KAT6B: variants seen among roughly 807,000 people sequenced by gnomAD.
The protein encoded by KAT6B is lysine acetyltransferase 6B, also known as histone acetyltransferase KAT6B.
KAT6B carries 10 observed loss-of-function variants against 187.5 expected under a neutral mutation model. That is an observed-to-expected ratio of 0.05 (90% CI 0.03 to 0.09). The LOEUF (loss-of-function observed/expected upper bound fraction) is 0.09. Among genes scored for constraint, KAT6B ranks in the 10% least tolerant of loss-of-function variants. The pLI, the probability that KAT6B is intolerant of heterozygous loss-of-function variation, is 1.00. For missense variants in KAT6B, 1,952 were observed against 2,558.9 expected (o/e 0.76, Z 5.12); for synonymous variants, 861 against 926.8 (o/e 0.93, Z 1.29).
chr10:74,828,364 C>T (rs888121581), intron 1 of KAT6B, among the ~76,000 whole-genome samples: 1 of 151,798 alleles, frequency 6.6e-6, no homozygotes, highest in Admixed American at 6.6e-5. Flanking sequence ...ATATGAGGGC[C>T]CCTCCTATAT....
intron 3 of KAT6B, among the ~76,000 whole-genome samples, chr10:74,897,904 G>A (rs1412508936): frequency 2.6e-5 from 4 of 152,056 alleles, no homozygotes; most frequent in African/African-American, 4.8e-5. Flanking sequence ...AACGCCATAG[G>A]CAATTAGCTA....
At chr10:74,830,744 A>ATATATATATATATATATATATATG in intron 1 of KAT6B, among the ~76,000 whole-genome samples, 1 of 15,044 alleles carries the variant, frequency 6.6e-5, no homozygotes, top group South Asian at 2.9e-3. Flanking sequence ...ATATATATAT[A>ATATATATATATATATATATATATG]TATATATATA....
At chr10:74,892,726 G>A (rs1845723305) in intron 3 of KAT6B, among the ~76,000 whole-genome samples, 1 of 152,138 alleles carries the variant, frequency 6.6e-6, no homozygotes, top group East Asian at 1.9e-4. Flanking sequence ...ATTCAAGAGG[G>A]TAGATTGACA....
At position 74,895,854 on chromosome 10, in the gene KAT6B, C is replaced by G. The variant is rs866736916; in HGVS notation, c.621+52376C>G. On this transcript the variant is annotated intron_variant, in intron 3 of 17. Coordinates refer to ENST00000287239, the MANE Select transcript of KAT6B (RefSeq NM_012330.4). ...ATCAATCTTTCCAGCTTTACCTTCC[C>G]CAGCATGACTTCCTCTTATCCCCTT... is the stretch of plus-strand genomic sequence containing the variant. Among the ~76,000 whole-genome samples the G allele has an allele frequency of 6.6e-5, 10 of 152,272 alleles. 1 individual carries two copies. In the South Asian group the frequency reaches 1.7e-3, roughly 25 times the overall value.
intron 3 of KAT6B, among the ~76,000 whole-genome samples, chr10:74,944,079 G>A (rs1589676008): frequency 6.6e-6 from 1 of 152,204 alleles, no homozygotes; most frequent in East Asian, 1.9e-4. Flanking sequence ...TTGAGAAGGA[G>A]GGCAACAAAG....
In KAT6B at chr10:75,022,150, A is replaced by AGAAGAG. The variant is rs531782676; in HGVS notation, c.3296_3297insGGAAGA (p.Glu1103_Glu1104dup). On this transcript the variant is annotated inframe_insertion, in exon 16 of 18. Transcript: ENST00000287239. ...AGGATGAAGAGGAGGAAGAAGAGGA[A>AGAAGAG]GAAGAAGAAGAAGAAGAAGAAAATA... 4.6e-6 allele frequency: 5 copies of AGAAGAG among 1,086,778 alleles called. No individual in the cohort carries two copies. Among genetic ancestry groups the AGAAGAG allele is most frequent in the African/African-American group, 4.4e-4 (2 of 4,562 alleles). The allele number at this position is 1,086,778 out of a possible 1,614,324, so 67.3% of individuals were successfully genotyped here.
chr10:75,019,072 T>G (rs375883622), intron 13 of KAT6B, among the ~76,000 whole-genome samples: 4 of 152,302 alleles, frequency 2.6e-5, no homozygotes, highest in East Asian at 1.9e-4. Context: ...TGGGCTGGCT[T>G]CGGCACAGTG....
chr10:74,927,386 A>G (rs1848582093), intron 3 of KAT6B, among the ~76,000 whole-genome samples: 1 of 151,668 alleles, frequency 6.6e-6, no homozygotes, highest in African/African-American at 2.4e-5. Context: ...GGAGATCTGA[A>G]CTGGGGAGCC....
intron 3 of KAT6B, among the ~76,000 whole-genome samples, chr10:74,856,340 G>A (rs1842825631): frequency 6.6e-6 from 1 of 152,140 alleles, no homozygotes; most frequent in Non-Finnish European, 1.5e-5. Context: ...ACCCGCCTAG[G>A]CCTCCCAAAG....
At chr10:74,970,232 T>C in intron 6 of KAT6B, 131 bp downstream of exon 6, 6 of 693,388 alleles carry the variant, frequency 8.7e-6, no homozygotes, top group Non-Finnish European at 1.6e-5. Context: ...CCTATACTTC[T>C]GAGTTTAGCA....
intron 4 of KAT6B, among the ~76,000 whole-genome samples, chr10:74,968,591 A>C (rs1212092039): frequency 6.6e-6 from 1 of 152,210 alleles, no homozygotes; most frequent in African/African-American, 2.4e-5. Context: ...ATTATAAAAC[A>C]GTTTTGAAAT....
intron 3 of KAT6B, among the ~76,000 whole-genome samples, chr10:74,884,275 T>C (rs1261949716): frequency 1.3e-5 from 2 of 152,218 alleles, no homozygotes; most frequent in East Asian, 3.8e-4. Flanking sequence ...AAAATTACTT[T>C]CCTTAGTGAC....
intron 4 of KAT6B, among the ~76,000 whole-genome samples, chr10:74,961,271 C>T (rs118176542): frequency 0.038 from 5,735 of 152,262 alleles, 166 homozygotes; most frequent in Admixed American, 0.051. Context: ...GTGCCTCACT[C>T]ATCAGTTCTG....
At chr10:74,941,470 A>T (rs1199979112) in intron 3 of KAT6B, among the ~76,000 whole-genome samples, 1 of 152,252 alleles carries the variant, frequency 6.6e-6, no homozygotes, top group African/African-American at 2.4e-5. Context: ...ACAAATTATC[A>T]GTAACAGGAA....
intron 3 of KAT6B, among the ~76,000 whole-genome samples, chr10:74,868,353 T>G (rs1203216673): frequency 1.3e-5 from 2 of 152,220 alleles, no homozygotes; most frequent in Non-Finnish European, 2.9e-5. Context: ...AAATCTGCCA[T>G]ATTTTTTCTA....
intron 13 of KAT6B, among the ~76,000 whole-genome samples, chr10:74,990,196 CAAAAAAAAAAAAAAAAAAAA>C (rs56300641): frequency 0.015 from 578 of 39,456 alleles, 19 homozygotes; most frequent in African/African-American, 0.031. Context: ...GACTCTGTCT[CAAAAAAAAAAAAAAAAAAAA>C]AAAAAAAAAA....
chr10:74,938,160 A>G (rs1849397331), intron 3 of KAT6B, among the ~76,000 whole-genome samples: 1 of 152,182 alleles, frequency 6.6e-6, no homozygotes, highest in Non-Finnish European at 1.5e-5. Flanking sequence ...CTGTATTCTT[A>G]CCATTCAAAA....
chr10:74,879,207 T>C (rs1844668244), intron 3 of KAT6B, among the ~76,000 whole-genome samples: 2 of 152,184 alleles, frequency 1.3e-5, no homozygotes, highest in African/African-American at 2.4e-5. Flanking sequence ...ATTATCTTAG[T>C]ATTGTTACCA....
At chr10:74,951,579 A>G (rs80078078) in intron 3 of KAT6B, among the ~76,000 whole-genome samples, 3,696 of 152,256 alleles carry the variant, frequency 0.024, 98 homozygotes, top group Middle Eastern at 0.068. Flanking sequence ...ATTACAACCT[A>G]TAGTGACTAT....
Sources: allele counts gnomAD v4.1 joint callset (sites outside exome capture counted in the v4.1 genomes callset), GRCh38; gene constraint gnomAD v4.1.1; transcripts MANE v1.5; gene names NCBI Gene and HGNC (gene_info 2026-07-23, HGNC 2026-07-21).